Variants in ATF7IP2 observed in about 807,000 individuals in gnomAD.
ATF7IP2 encodes the protein activating transcription factor 7 interacting protein 2.
A neutral mutation model predicts 64.2 loss-of-function variants in ATF7IP2; 42 were observed. That is an observed-to-expected ratio of 0.65 (90% CI 0.51 to 0.85). The LOEUF is 0.85. Ranked by LOEUF, ATF7IP2 falls within the 40% of genes least tolerant of loss-of-function variation. The pLI is 0.00. For synonymous variants in ATF7IP2, 308 were observed against 272.8 expected, an observed-to-expected ratio of 1.13 and a Z score of -1.27; for missense variants, 933 against 784.2, an observed-to-expected ratio of 1.19 and a Z score of -2.27.
At chr16:10,410,389 A>C (rs2047734682) in intron 1 of ATF7IP2, among the ~76,000 whole-genome samples, 1 of 151,570 alleles carries the variant, frequency 6.6e-6, no homozygotes, top group African/African-American at 2.4e-5. Flanking sequence ...GTTTTCCCCC[A>C]GCTATTGTAA....
In ATF7IP2 at chr16:10,453,040, C is replaced by CG. The variant is rs1483920907; in HGVS notation, c.1195-4331dup. The stretch of plus-strand genomic sequence containing the variant: ...TGGGCTCCGTGTGGGTGGGACCTGC[C>CG]GAGCCAGAACACTTGGCTCCCTGGC... On this transcript the variant is annotated intron_variant, in intron 8 of 13. Transcript: ENST00000562102. Among the ~76,000 whole-genome samples the CG allele has an allele frequency of 7.2e-5, 11 of 152,104 alleles. No homozygotes were observed. The South Asian group carries it at 8.3e-4, about 11-fold the overall frequency.
chr16:10,435,490 C>T (rs2048390766), intron 6 of ATF7IP2, among the ~76,000 whole-genome samples: 1 of 152,172 alleles, frequency 6.6e-6, no homozygotes, highest in South Asian at 2.1e-4. Flanking sequence ...GGGCACATTA[C>T]CATTGGTAAA....
At chr16:10,480,634 A>G (rs2050186630) in intron 12 of ATF7IP2, among the ~76,000 whole-genome samples, 1 of 149,652 alleles carries the variant, frequency 6.7e-6, no homozygotes, top group Non-Finnish European at 1.5e-5. Flanking sequence ...GTGTAAACCT[A>G]TCTAGTTGCC....
intron 9 of ATF7IP2, among the ~76,000 whole-genome samples, chr16:10,465,213 T>C (rs1174842315): frequency 6.6e-6 from 1 of 152,192 alleles, no homozygotes; most frequent in Admixed American, 6.5e-5. Context: ...GCAGAGTTTC[T>C]TGCCCCAAAA....
chr16:10,437,840 T>A (rs2048473710), intron 6 of ATF7IP2, among the ~76,000 whole-genome samples: 1 of 152,228 alleles, frequency 6.6e-6, no homozygotes, highest in Non-Finnish European at 1.5e-5. Flanking sequence ...CAAGTGGAAC[T>A]ATAGGAAACT....
chr16:10,395,578 G>A (rs993461546), intron 1 of ATF7IP2, among the ~76,000 whole-genome samples: 1 of 151,998 alleles, frequency 6.6e-6, no homozygotes, highest in African/African-American at 2.4e-5. Context: ...AACATAAAAG[G>A]ATTATACACC....
rs754734275 is a variant in ATF7IP2 at position 10,433,626 on chromosome 16, A to G, written c.937A>G (p.Arg313Gly). ...INENICVSLE[R>G]QTAFLEQVRH... ...TGAAAATATTTGTGTAAGTTTGGAA[A>G]GGCAAACAGCATTCCTGGAACAGGT... is the stretch of plus-strand genomic sequence containing the variant. The change falls in exon 6 of 14, where the codon AGG becomes GGG. Residue 313 changes from arginine to glycine, a missense_variant. Physicochemically the swap from Arg to Gly is moderately radical, Grantham distance 125 (BLOSUM62 -2). Coordinates refer to ENST00000562102, the MANE Select transcript of ATF7IP2 (RefSeq NM_001393719.1). 2.4e-5 allele frequency: 39 copies of G among 1,613,868 alleles called. No homozygotes were observed. Among genetic ancestry groups the G allele is most frequent in the Non-Finnish European group, 3.3e-5 (39 of 1,179,824 alleles).
At chr16:10,436,583 AATGATC>A (rs2048426684) in intron 6 of ATF7IP2, among the ~76,000 whole-genome samples, 6 of 152,218 alleles carry the variant, frequency 3.9e-5, no homozygotes, top group Non-Finnish European at 8.8e-5. Flanking sequence ...GAGCCTTGGG[AATGATC>A]AAAATTAAAG....
chr16:10,443,094 G>A (rs551777830), intron 8 of ATF7IP2, among the ~76,000 whole-genome samples: 14 of 152,238 alleles, frequency 9.2e-5, no homozygotes, highest in South Asian at 2.1e-4. Flanking sequence ...GAATTAGAGC[G>A]CAAGTACTGC....
intron 5 of ATF7IP2, among the ~76,000 whole-genome samples, chr16:10,433,211 C>T (rs941279683): frequency 6.6e-6 from 1 of 152,150 alleles, no homozygotes; most frequent in African/African-American, 2.4e-5. Context: ...CAGGGTCTCA[C>T]TGTGTTGCCC....
Position 10,445,029 on chromosome 16 carries a change from G to A in ATF7IP2, c.1194+4567G>A, listed in dbSNP as rs73497865. Among the ~76,000 whole-genome samples, 246 of 152,288 alleles carry A rather than the reference G, an allele frequency of 1.6e-3. 1 individual carries two copies. Among genetic ancestry groups the A allele is most frequent in the African/African-American group, 5.4e-3 (225 of 41,550 alleles). ...CTATGGAATGGTCTTAGTCCTGGAC[G>A]TCTTCCCGCAAGTGGTGATTTTTTT... On this transcript the variant is annotated intron_variant, in intron 8 of 13. Coordinates refer to ENST00000562102, the MANE Select transcript of ATF7IP2 (RefSeq NM_001393719.1).
rs148855543 is a variant in ATF7IP2, at chr16:10,393,273, G to C, written c.-242+7151G>C. On this transcript the variant is annotated intron_variant, in intron 1 of 13. Transcript: ENST00000562102. ...TGCAGTGAGCTGAGATTGCCTCAAT[G>C]CCAGTGCACTCCAGGCTGGGTGACA... Among the ~76,000 whole-genome samples, 1,032 of 138,228 alleles carry C rather than the reference G, an allele frequency of 7.5e-3. 9 individuals are homozygous for C. Among genetic ancestry groups the C allele is most frequent in the South Asian group, 0.023 (99 of 4,242 alleles). 90.7% of individuals were successfully genotyped at this position (138,228 alleles called of 152,430 possible). A position where few individuals can be genotyped will look rare whatever the true frequency, so the allele number is the denominator to read the frequency against.
intron 8 of ATF7IP2, among the ~76,000 whole-genome samples, chr16:10,451,125 A>C (rs553752457): frequency 1.4e-4 from 22 of 152,120 alleles, no homozygotes; most frequent in Admixed American, 1.4e-3. Context: ...TTTTCTTTAA[A>C]AATGTTGAAT....
intron 1 of ATF7IP2, among the ~76,000 whole-genome samples, chr16:10,396,628 T>C (rs890959451): frequency 1.3e-5 from 2 of 151,916 alleles, no homozygotes; most frequent in African/African-American, 4.8e-5. Flanking sequence ...ATTGAAACAA[T>C]TGTTGTACCT....
At chr16:10,470,736 T>C (rs1377271943) in intron 9 of ATF7IP2, among the ~76,000 whole-genome samples, 12 of 151,638 alleles carry the variant, frequency 7.9e-5, no homozygotes, top group African/African-American at 2.7e-4. Flanking sequence ...CAAGATACAT[T>C]TGCACCACTA....
chr16:10,387,824 T>TCCCCCCCCCCCCCCCC (rs5815573), intron 1 of ATF7IP2: 27 of 130,574 alleles, frequency 2.1e-4, no homozygotes, highest in African/African-American at 3.9e-4. Context: ...TCTATTTTAC[T>TCCCCCCCCCCCCCCCC]CCCCCCCCCT....
chr16:10,413,417 G>A (rs1318184625), intron 1 of ATF7IP2, among the ~76,000 whole-genome samples: 1 of 152,122 alleles, frequency 6.6e-6, no homozygotes, highest in Non-Finnish European at 1.5e-5. Flanking sequence ...CTCCCGCCAT[G>A]GTTCTGAGAC....
intron 1 of ATF7IP2, among the ~76,000 whole-genome samples, chr16:10,412,437 T>G (rs943890798): frequency 6.6e-6 from 1 of 152,228 alleles, no homozygotes; most frequent in Non-Finnish European, 1.5e-5. Flanking sequence ...GTTGACCCAG[T>G]GATCATTCAG....
chr16:10,454,954 A>T (rs374090825), intron 8 of ATF7IP2, among the ~76,000 whole-genome samples: 147 of 152,336 alleles, frequency 9.6e-4, no homozygotes, highest in African/African-American at 3.5e-3. Flanking sequence ...AAATTTTGAA[A>T]GTTAAACTTA....
Sources: allele counts gnomAD v4.1 joint callset (sites outside exome capture counted in the v4.1 genomes callset), GRCh38; gene constraint gnomAD v4.1.1; transcripts MANE v1.5; gene names NCBI Gene and HGNC (gene_info 2026-07-23, HGNC 2026-07-21).